GALNT13: variants seen among roughly 807,000 people sequenced by gnomAD.
GALNT13 encodes polypeptide N-acetylgalactosaminyltransferase 13.
GALNT13 carries 28 observed loss-of-function variants against 64.2 expected under a neutral mutation model. The ratio of observed to expected loss-of-function variants is 0.44; its 90% CI spans 0.32 to 0.60. The LOEUF (loss-of-function observed/expected upper bound fraction) is 0.60. GALNT13 is among the 20% of genes least tolerant of loss of function. GALNT13 has a pLI of 0.05. For synonymous variants in GALNT13, 214 were observed against 224.6 expected, an observed-to-expected ratio of 0.95 and a Z score of 0.42; for missense variants, 577 against 669.8, an observed-to-expected ratio of 0.86 and a Z score of 1.53.
chr2:154,128,331 A>C (rs1160612216), intron 3 of GALNT13, among the ~76,000 whole-genome samples: 1 of 152,118 alleles, frequency 6.6e-6, no homozygotes, highest in South Asian at 2.1e-4. Context: ...GATCAGGAAT[A>C]GTATATGACC....
At chr2:153,504,604 A>AT in the GALNT13 span, among the ~76,000 whole-genome samples, 4 of 152,114 alleles carry the variant, frequency 2.6e-5, no homozygotes, top group Non-Finnish European at 5.9e-5. Flanking sequence ...CGGATGCTGG[A>AT]TTTTGTCAAA....
intron 8 of GALNT13, among the ~76,000 whole-genome samples, chr2:154,293,599 T>C (rs746678219): frequency 6.6e-5 from 10 of 152,298 alleles, no homozygotes; most frequent in Non-Finnish European, 1.3e-4. Context: ...ATTCCCACTT[T>C]CCACTGGGAA....
At chr2:153,321,967 T>C in the GALNT13 span, among the ~76,000 whole-genome samples, 1 of 121,848 alleles carries the variant, frequency 8.2e-6, no homozygotes, top group East Asian at 2.0e-4. Context: ...ATTTTGTGTG[T>C]AAAGTTGTGT....
At chr2:154,018,905 A>G (rs1339263728) in intron 3 of GALNT13, among the ~76,000 whole-genome samples, 2 of 151,986 alleles carry the variant, frequency 1.3e-5, no homozygotes, top group Non-Finnish European at 2.9e-5. Flanking sequence ...GAAGCCTGGA[A>G]AAAGGAGAAG....
At chr2:153,949,353 G>T (rs1692003096) in intron 3 of GALNT13, among the ~76,000 whole-genome samples, 1 of 151,976 alleles carries the variant, frequency 6.6e-6, no homozygotes, top group Admixed American at 6.6e-5. Flanking sequence ...GGATCAGGAA[G>T]AAGAGGACAC....
At chr2:153,133,847 A>C in the GALNT13 span, among the ~76,000 whole-genome samples, 1 of 152,178 alleles carries the variant, frequency 6.6e-6, no homozygotes. Context: ...TTGTAACTGG[A>C]AGATAAGAGC....
chr2:153,481,705 C>T, the GALNT13 span, among the ~76,000 whole-genome samples: 1 of 152,124 alleles, frequency 6.6e-6, no homozygotes, highest in African/African-American at 2.4e-5. Context: ...GAAAATATAT[C>T]CTTGGCCTAT....
chr2:153,508,483 C>T, the GALNT13 span, among the ~76,000 whole-genome samples: 1 of 152,030 alleles, frequency 6.6e-6, no homozygotes, highest in Non-Finnish European at 1.5e-5. Flanking sequence ...TACAGGTCAC[C>T]AGGGAAGTGG....
At chr2:153,524,788 G>T in the GALNT13 span, among the ~76,000 whole-genome samples, 2 of 152,264 alleles carry the variant, frequency 1.3e-5, no homozygotes, top group Non-Finnish European at 2.9e-5. Flanking sequence ...GAGCTCTGGG[G>T]CTCTAAATAA....
intron 9 of GALNT13, among the ~76,000 whole-genome samples, chr2:154,310,095 C>T (rs1246303370): frequency 6.6e-6 from 1 of 152,172 alleles, no homozygotes; most frequent in Admixed American, 6.6e-5. Flanking sequence ...ATGAATACTG[C>T]CACCTTTGCT....
chr2:154,186,559 A>G (rs1686263092), intron 4 of GALNT13, among the ~76,000 whole-genome samples: 1 of 152,262 alleles, frequency 6.6e-6, no homozygotes, highest in Non-Finnish European at 1.5e-5. Flanking sequence ...ATTTTACATC[A>G]TCAGTACAAA....
At chr2:153,948,551 C>G (rs955666472) in intron 3 of GALNT13, among the ~76,000 whole-genome samples, 12 of 152,092 alleles carry the variant, frequency 7.9e-5, no homozygotes, top group African/African-American at 2.7e-4. Flanking sequence ...AAGAGACATC[C>G]ATGCATATGT....
intron 9 of GALNT13, among the ~76,000 whole-genome samples, chr2:154,352,088 C>T (rs945979676): frequency 6.6e-6 from 1 of 152,138 alleles, no homozygotes; most frequent in Non-Finnish European, 1.5e-5. Context: ...AGAGAATGTA[C>T]TTCACAATTT....
the GALNT13 span, among the ~76,000 whole-genome samples, chr2:153,814,031 T>G: frequency 6.6e-6 from 1 of 152,206 alleles, no homozygotes; most frequent in Non-Finnish European, 1.5e-5. Flanking sequence ...TGGGAATCTG[T>G]AACTCCTTGT....
intron 1 of GALNT13, among the ~76,000 whole-genome samples, chr2:153,899,933 A>ATTT (rs1291457023): frequency 2.3e-4 from 20 of 86,400 alleles, no homozygotes; most frequent in Non-Finnish European, 3.8e-4. Flanking sequence ...ATATATATAT[A>ATTT]TATTTTTTTT....
At chr2:153,741,834 T>G in the GALNT13 span, among the ~76,000 whole-genome samples, 2 of 152,114 alleles carry the variant, frequency 1.3e-5, no homozygotes, top group Non-Finnish European at 2.9e-5. Context: ...AAAAATTAAT[T>G]TATCTATTTT....
At chr2:153,103,792 ATTGTG>A in the GALNT13 span, among the ~76,000 whole-genome samples, 1 of 152,156 alleles carries the variant, frequency 6.6e-6, no homozygotes, top group Non-Finnish European at 1.5e-5. Flanking sequence ...ACATACCTAG[ATTGTG>A]TTTGGGAGGT....
chr2:153,973,670 T>G (rs1482694764), intron 3 of GALNT13, among the ~76,000 whole-genome samples: 1 of 150,386 alleles, frequency 6.6e-6, no homozygotes, highest in Non-Finnish European at 1.5e-5. Context: ...AAGGAAAGCA[T>G]CTAACAAAGT....
chr2:153,102,160 G>A, the GALNT13 span, among the ~76,000 whole-genome samples: 2 of 152,036 alleles, frequency 1.3e-5, no homozygotes, highest in African/African-American at 4.8e-5. Context: ...GTGTCTGTCT[G>A]TCTGTGTCTC....
Sources: allele counts gnomAD v4.1 joint callset (sites outside exome capture counted in the v4.1 genomes callset), GRCh38; gene constraint gnomAD v4.1.1; transcripts MANE v1.5; gene names NCBI Gene and HGNC (gene_info 2026-07-23, HGNC 2026-07-21).